Variants in RNGTT observed in about 807,000 individuals in gnomAD.
The protein encoded by RNGTT is mRNA-capping enzyme.
A neutral mutation model predicts 79.3 loss-of-function variants in RNGTT; 33 were observed. The ratio of observed to expected loss-of-function variants is 0.42; its 90% CI spans 0.32 to 0.56. The LOEUF (loss-of-function observed/expected upper bound fraction) is 0.56, where lower values mean the gene tolerates loss of function less well. Among genes scored for constraint, RNGTT ranks in the 20% least tolerant of loss-of-function variants. The probability of loss-of-function intolerance (pLI) is 0.17; values close to 1 mark genes in which losing one functional copy is unlikely to be tolerated. For synonymous variants in RNGTT, 222 were observed against 235.9 expected, an observed-to-expected ratio of 0.94 and a Z score of 0.54; for missense variants, 497 against 739.1, an observed-to-expected ratio of 0.67 and a Z score of 3.80.
rs543998824 is a variant in RNGTT, at chr6:88,656,953, G to C, written c.1506+21400C>G. On this transcript the variant is annotated intron_variant, in intron 14 of 15. Transcript: ENST00000369485. The stretch of plus-strand genomic sequence containing the variant: ...AAAAATTTAAAAATTAGCTGAACAT[G>C]GTGGCAACATGCCTGTAATCCCAGC... Among the ~76,000 whole-genome samples, 443 of 152,052 alleles carry C rather than the reference G, an allele frequency of 2.9e-3. 2 individuals are homozygous for C. Among genetic ancestry groups the C allele is most frequent in the Non-Finnish European group, 4.8e-3 (325 of 67,980 alleles).
intron 13 of RNGTT, among the ~76,000 whole-genome samples, chr6:88,731,780 A>G (rs1213453026): frequency 1.3e-5 from 2 of 152,214 alleles, no homozygotes; most frequent in Non-Finnish European, 2.9e-5. Flanking sequence ...CATGCAGCTG[A>G]AAATCCACAT....
intron 13 of RNGTT, among the ~76,000 whole-genome samples, chr6:88,736,908 T>C (rs900412141): frequency 2.0e-5 from 3 of 152,138 alleles, no homozygotes; most frequent in Admixed American, 2.0e-4. Context: ...AGAGCTGCCA[T>C]TCTCACCACA....
intron 13 of RNGTT, among the ~76,000 whole-genome samples, chr6:88,735,209 A>G (rs893128156): frequency 1.3e-5 from 2 of 152,116 alleles, no homozygotes; most frequent in African/African-American, 4.8e-5. Flanking sequence ...ATTAAAAGAG[A>G]AGCAAATCCA....
At chr6:88,949,453 G>C (rs62429045) in intron 1 of RNGTT, among the ~76,000 whole-genome samples, 1,984 of 151,816 alleles carry the variant, frequency 0.013, 17 homozygotes, top group Non-Finnish European at 0.019. Context: ...TAGTAGAGAC[G>C]GGGTTTCACC....
chr6:88,628,667 A>C lies in RNGTT; in HGVS notation c.1507-14272T>G, dbSNP rs78279299. On this transcript the variant is annotated intron_variant, in intron 14 of 15. Transcript: ENST00000369485. ...TTAACTACCTGTGATGTAGCTGAGC[A>C]CTTTACATACACTGTTATCCTTTTT... 8.1e-3 allele frequency among the ~76,000 whole-genome samples: 1,231 copies of C among 152,272 alleles called. 21 individuals carry two copies. Among genetic ancestry groups the C allele is most frequent in the African/African-American group, 0.029 (1,188 of 41,566 alleles).
At chr6:88,629,853 T>C (rs73752982) in intron 14 of RNGTT, among the ~76,000 whole-genome samples, 3,230 of 152,270 alleles carry the variant, frequency 0.021, 99 homozygotes, top group African/African-American at 0.073. Flanking sequence ...ATATATCAGG[T>C]AAATGATATG....
At chr6:88,784,369 C>T (rs9353612) in intron 12 of RNGTT, among the ~76,000 whole-genome samples, 20,835 of 152,032 alleles carry the variant, frequency 0.14, 1,562 homozygotes, top group Middle Eastern at 0.24. Context: ...AATTAATACA[C>T]GTTAAGTGCT....
At chr6:88,658,378 TGGTATCCACAGCTG>T (rs967090289) in intron 14 of RNGTT, among the ~76,000 whole-genome samples, 1 of 152,238 alleles carries the variant, frequency 6.6e-6, no homozygotes, top group African/African-American at 2.4e-5. Context: ...GGGCAGGTGC[TGGTATCCACAGCTG>T]GAAGATCTGA....
chr6:88,723,186 A>G (rs1776763031), intron 13 of RNGTT, among the ~76,000 whole-genome samples: 1 of 152,172 alleles, frequency 6.6e-6, no homozygotes, highest in Admixed American at 6.5e-5. Flanking sequence ...CAAACCAAAC[A>G]TGATGTGGAG....
intron 6 of RNGTT, among the ~76,000 whole-genome samples, chr6:88,894,367 G>A (rs1163099138): frequency 6.6e-6 from 1 of 152,130 alleles, no homozygotes; most frequent in Non-Finnish European, 1.5e-5. Context: ...AATCCACAAT[G>A]GATAAAAGAG....
At chr6:88,617,353 T>G (rs1231086223) in intron 14 of RNGTT, among the ~76,000 whole-genome samples, 2 of 152,326 alleles carry the variant, frequency 1.3e-5, no homozygotes, top group African/African-American at 4.8e-5. Flanking sequence ...TTGTGTTAAT[T>G]TTTGTATATG....
intron 11 of RNGTT, among the ~76,000 whole-genome samples, chr6:88,823,435 C>T (rs1194200753): frequency 2.5e-5 from 1 of 40,362 alleles, no homozygotes; most frequent in Admixed American, 3.5e-4. Flanking sequence ...AAATGCCATC[C>T]AAGGAAAAAA....
chr6:88,908,518 C>T (rs1783730110), intron 4 of RNGTT, among the ~76,000 whole-genome samples: 1 of 152,122 alleles, frequency 6.6e-6, no homozygotes, highest in Non-Finnish European at 1.5e-5. Flanking sequence ...GAAGAAGCGA[C>T]GTAGACTGCT....
intron 4 of RNGTT, among the ~76,000 whole-genome samples, chr6:88,923,446 A>G (rs1444865060): frequency 6.6e-6 from 1 of 152,212 alleles, no homozygotes; most frequent in African/African-American, 2.4e-5. Flanking sequence ...AGACTATACC[A>G]ATTAACACTC....
intron 13 of RNGTT, among the ~76,000 whole-genome samples, chr6:88,759,833 T>C (rs781363831): frequency 6.6e-6 from 1 of 151,100 alleles, no homozygotes; most frequent in Non-Finnish European, 1.5e-5. Flanking sequence ...TGCATTCAAA[T>C]CCTATGTTCC....
intron 12 of RNGTT, among the ~76,000 whole-genome samples, chr6:88,794,284 G>A (rs1779519733): frequency 6.6e-6 from 1 of 152,114 alleles, no homozygotes. Flanking sequence ...AAAGAAAAGT[G>A]AGAATTTAAA....
intron 14 of RNGTT, among the ~76,000 whole-genome samples, chr6:88,645,802 T>G (rs1404773737): frequency 2.6e-5 from 4 of 152,366 alleles, no homozygotes; most frequent in South Asian, 2.1e-4. Context: ...GCTAGCCATA[T>G]GTAGAAAGCT....
rs539837420 is a variant in RNGTT, at chr6:88,769,946, A to C, written c.1339-72T>G. On this transcript the variant is annotated intron_variant, in intron 12 of 15. Transcript: ENST00000369485. Reference sequence around the variant, plus strand: ...TTAAACATTCAATGTATTAAACCTAATGTAACTTTTTATTAAGCAAAATTA... The same window carrying C: ...TTAAACATTCAATGTATTAAACCTACTGTAACTTTTTATTAAGCAAAATTA... 44 of 1,016,818 alleles carry C rather than the reference A, an allele frequency of 4.3e-5. No homozygotes were observed. In the South Asian group the frequency reaches 6.9e-4, roughly 16 times the overall value. 63.0% of individuals were successfully genotyped at this position (1,016,818 alleles called of 1,614,324 possible).
At chr6:88,876,368 C>T (rs931275317) in intron 8 of RNGTT, among the ~76,000 whole-genome samples, 8 of 151,672 alleles carry the variant, frequency 5.3e-5, no homozygotes, top group Non-Finnish European at 1.0e-4. Context: ...ATCTCAACAA[C>T]AAAAAAAAGA....
Sources: gnomAD v4.1 joint callset for allele counts (sites outside exome capture counted in the v4.1 genomes callset) on GRCh38, gnomAD v4.1.1 for gene constraint, MANE v1.5 for transcripts, NCBI Gene and HGNC (gene_info 2026-07-23, HGNC 2026-07-21) for gene names.